The following DHX30 variants were observed in gnomAD, a reference collection of about 807,000 sequenced individuals.
The protein encoded by DHX30 is ATP-dependent RNA helicase DHX30.
DHX30 carries 4 observed loss-of-function variants against 116.9 expected under a neutral mutation model. That is an observed-to-expected ratio of 0.03 (90% CI 0.02 to 0.08). The LOEUF (loss-of-function observed/expected upper bound fraction) is 0.08, where lower values mean the gene tolerates loss of function less well. Ranked by LOEUF, DHX30 falls within the 10% of genes least tolerant of loss-of-function variation. DHX30 has a pLI of 1.00. For synonymous variants in DHX30, 697 were observed against 651.7 expected, an observed-to-expected ratio of 1.07 and a Z score of -1.06; for missense variants, 871 against 1,595.1, an observed-to-expected ratio of 0.55 and a Z score of 7.73.
intron 6 of DHX30, among the ~76,000 whole-genome samples, chr3:47,835,441 T>G (rs2037062050): frequency 6.6e-6 from 1 of 152,184 alleles, no homozygotes; most frequent in African/African-American, 2.4e-5. Context: ...GTGCTGGGAT[T>G]ACAGGTGTGA....
chr3:47,845,104 A>C (rs529875233), intron 9 of DHX30, among the ~76,000 whole-genome samples: 1 of 152,220 alleles, frequency 6.6e-6, no homozygotes, highest in Non-Finnish European at 1.5e-5. Context: ...GTAGCCACAC[A>C]GTGAGTGGTT....
chr3:47,845,905 C>A, intron 10 of DHX30, 53 bp downstream of exon 10: 1 of 1,550,356 alleles, frequency 6.5e-7, no homozygotes, highest in Non-Finnish European at 8.7e-7. Flanking sequence ...CTGCCTCCAT[C>A]TCTCCAGACT....
chr3:47,810,479 T>G (rs1301733946), intron 2 of DHX30, among the ~76,000 whole-genome samples, 178 bp from the exon 3 acceptor site: 1 of 152,216 alleles, frequency 6.6e-6, no homozygotes, highest in African/African-American at 2.4e-5. Context: ...AGACAATTAC[T>G]CTAGAGTGGA....
intron 9 of DHX30, among the ~76,000 whole-genome samples, chr3:47,843,540 A>G (rs2037469770): frequency 6.6e-6 from 1 of 152,190 alleles, no homozygotes; most frequent in Non-Finnish European, 1.5e-5. Flanking sequence ...TCTGAATAGT[A>G]TAAAGCCGGG....
intron 7 of DHX30, 142 bp downstream of exon 7, chr3:47,841,320 T>C (rs1182059777): frequency 2.3e-6 from 3 of 1,312,102 alleles, no homozygotes; most frequent in Non-Finnish European, 3.1e-6. Flanking sequence ...TCAGTGTGTG[T>C]CTGCCCATTC....
rs1334977380 is a variant in DHX30 at position 47,841,731 on chromosome 3, A to G, written c.783A>G (p.Thr261=). Residue 261 remains threonine, a synonymous_variant, in exon 8 of 22, where the codon ACA becomes ACG. Coordinates refer to ENST00000445061, the MANE Select transcript of DHX30 (RefSeq NM_138615.3). ...TTCAGATTGCAACGTCATCCTCCAC[A>G]GCTAAGGTGAGTTGGGTCTCCTAGA... The part of the protein sequence containing the change: ...KVIQIATSSS[T]AKNLMQFHTV... 2.5e-6 allele frequency: 4 copies of G among 1,614,228 alleles called. No homozygotes were observed. Among genetic ancestry groups the G allele is most frequent in the East Asian group, 2.2e-5 (1 of 44,892 alleles).
intron 3 of DHX30, among the ~76,000 whole-genome samples, chr3:47,814,152 C>T (rs991019051): frequency 2.0e-5 from 3 of 151,512 alleles, no homozygotes; most frequent in Admixed American, 6.6e-5. Flanking sequence ...CAGCTGAGCG[C>T]GGTGGCTCAG....
At chr3:47,836,856 G>A (rs1241941718) in intron 6 of DHX30, among the ~76,000 whole-genome samples, 2 of 152,172 alleles carry the variant, frequency 1.3e-5, no homozygotes, top group African/African-American at 4.8e-5. Flanking sequence ...ATGGGTGTGA[G>A]ATGAGATCTT....
intron 7 of DHX30, 24 bp from the exon 8 acceptor site, chr3:47,841,593 C>G (rs758797357): frequency 1.2e-6 from 2 of 1,613,912 alleles, no homozygotes; most frequent in African/African-American, 1.3e-5. Context: ...AGAATTCTTT[C>G]AGTTAAACTT....
At chr3:47,808,430 C>G (rs1411864485) in intron 2 of DHX30, among the ~76,000 whole-genome samples, 1 of 152,006 alleles carries the variant, frequency 6.6e-6, no homozygotes, top group Non-Finnish European at 1.5e-5. Flanking sequence ...GTTGCCCAGG[C>G]TGGTCTTGAA....
At chr3:47,837,233 C>T (rs932090930) in intron 6 of DHX30, among the ~76,000 whole-genome samples, 2 of 152,224 alleles carry the variant, frequency 1.3e-5, no homozygotes, top group Admixed American at 1.3e-4. Context: ...GTGGGTCTGC[C>T]TGCTGGGCCA....
In DHX30 at chr3:47,840,987, C is replaced by G. The variant is rs983523463; in HGVS notation, c.477C>G (p.Thr159=). 6.2e-7 allele frequency: 1 copy of G among 1,614,106 alleles called. No individual in the cohort carries two copies. Among genetic ancestry groups the G allele is most frequent in the African/African-American group, 1.3e-5 (1 of 74,926 alleles). Residue 159 remains threonine, a synonymous_variant, in exon 7 of 22, where the codon ACC becomes ACG. Coordinates refer to ENST00000445061, the MANE Select transcript of DHX30 (RefSeq NM_138615.3). ...PADSWWRPEP[T]MPPTSWRQLN... ...ACAGCTGGTGGCGTCCGGAACCCAC[C>G]ATGCCCCCTACTTCCTGGCGGCAGC...
rs139790104 is a variant in DHX30, at chr3:47,806,678, T to G, written c.-28+1258T>G. Among the ~76,000 whole-genome samples the G allele has an allele frequency of 5.7e-3, 854 of 150,038 alleles. 10 individuals carry two copies. The highest frequency in any genetic ancestry group is 0.02 in the African/African-American group (803 of 40,866). ...GCCGTGCTGGTCTCGAACTCCTGACTTTGTGATCCACCTGCTTCGGCCTCC... is the reference window on the plus strand; with the variant it reads ...GCCGTGCTGGTCTCGAACTCCTGACGTTGTGATCCACCTGCTTCGGCCTCC... On this transcript the variant is annotated intron_variant, in intron 2 of 21. Coordinates refer to ENST00000445061, the MANE Select transcript of DHX30 (RefSeq NM_138615.3).
chr3:47,827,310 A>C, intron 4 of DHX30, 37 bp from the exon 5 acceptor site: 2 of 1,575,176 alleles, frequency 1.3e-6, no homozygotes, highest in Non-Finnish European at 1.7e-6. Flanking sequence ...TTAAAAGAAA[A>C]AGAACAACTG....
intron 4 of DHX30, chr3:47,824,832 C>T (rs757905422): frequency 2.3e-6 from 1 of 434,860 alleles, no homozygotes; most frequent in Non-Finnish European, 4.0e-6. Flanking sequence ...AGAGTGAGCT[C>T]TGCAGGGTCC....
rs779794167 is a variant in DHX30 at position 47,848,404 on chromosome 3, A to G, written c.2493+18A>G. ...AGAAGACGGTGCGGCGGGGCGGGGCAGGGGCTGGCCTGGGGACCAGGCAGG... is the reference window on the plus strand; with the variant it reads ...AGAAGACGGTGCGGCGGGGCGGGGCGGGGGCTGGCCTGGGGACCAGGCAGG... On this transcript the variant is annotated intron_variant, in intron 15 of 21. Transcript: ENST00000445061. This position sits in a 1 kb window ranked among gnomAD's most constrained non-coding sequence, Gnocchi z 9.4. The G allele has an allele frequency of 7.6e-5, 122 of 1,613,516 alleles. No homozygotes were observed. In the South Asian group the frequency reaches 1.3e-3, roughly 17 times the overall value.
chr3:47,842,699 T>G (rs1170076211), intron 8 of DHX30: 1 of 156,732 alleles, frequency 6.4e-6, no homozygotes, highest in Non-Finnish European at 1.4e-5. Flanking sequence ...GGCGTTTCCT[T>G]AACTCGCCTA....
intron 2 of DHX30, among the ~76,000 whole-genome samples, chr3:47,808,940 G>A (rs757618136): frequency 6.6e-6 from 1 of 151,924 alleles, no homozygotes; most frequent in African/African-American, 2.4e-5. Flanking sequence ...CCAGGCTGGA[G>A]TGCAATGGTG....
At chr3:47,842,386 C>T (rs1044836642) in intron 8 of DHX30, 4 of 152,576 alleles carry the variant, frequency 2.6e-5, no homozygotes, top group African/African-American at 9.7e-5. Flanking sequence ...ACCTTGAGTT[C>T]GTGTCTGGCG....
Sources: gnomAD v4.1 joint callset for allele counts (sites outside exome capture counted in the v4.1 genomes callset) on GRCh38, gnomAD v4.1.1 for gene constraint, Gnocchi (gnomAD v3.1) non-coding constraint, MANE v1.5 for transcripts, NCBI Gene and HGNC (gene_info 2026-07-23, HGNC 2026-07-21) for gene names.